The following GALNT13 variants were observed in gnomAD, a reference collection of about 807,000 sequenced individuals.
GALNT13 encodes the protein UDP-GalNAc:polypeptide N-acetylgalactosaminyltransferase 13.
A neutral mutation model predicts 64.2 loss-of-function variants in GALNT13; 28 were observed. The ratio of observed to expected loss-of-function variants is 0.44; its 90% CI spans 0.32 to 0.60. The LOEUF is 0.60. Ranked by LOEUF, GALNT13 falls within the 20% of genes least tolerant of loss-of-function variation. GALNT13 has a pLI of 0.05. For missense variants in GALNT13, 577 were observed against 669.8 expected (o/e 0.86, Z 1.53); for synonymous variants, 214 against 224.6 (o/e 0.95, Z 0.42).
chr2:153,335,809 C>G, the GALNT13 span, among the ~76,000 whole-genome samples: 4 of 152,162 alleles, frequency 2.6e-5, no homozygotes, highest in African/African-American at 4.8e-5. Flanking sequence ...CAGGGCATAT[C>G]AGAGAACTTC....
chr2:153,440,417 G>C, the GALNT13 span, among the ~76,000 whole-genome samples: 1,016 of 152,286 alleles, frequency 6.7e-3, 11 homozygotes, highest in African/African-American at 0.023. Flanking sequence ...ACATATGTGT[G>C]CATGTGTCTT....
chr2:154,446,435 C>G (rs983649141), intron 12 of GALNT13: 32 of 960,882 alleles, frequency 3.3e-5, no homozygotes, highest in Non-Finnish European at 4.4e-5. Flanking sequence ...GCTCACAGCT[C>G]CATGGATACA....
At chr2:153,997,898 G>A (rs571166156) in intron 3 of GALNT13, among the ~76,000 whole-genome samples, 10 of 152,170 alleles carry the variant, frequency 6.6e-5, no homozygotes, top group African/African-American at 1.7e-4. Context: ...GTGGTGTTTG[G>A]TTTTCTTTTC....
chr2:154,016,820 A>G (rs1245137732), intron 3 of GALNT13, among the ~76,000 whole-genome samples: 1 of 152,230 alleles, frequency 6.6e-6, no homozygotes, highest in Non-Finnish European at 1.5e-5. Context: ...TTAATGAAAT[A>G]TATCAATAAT....
At chr2:153,631,724 T>A in the GALNT13 span, among the ~76,000 whole-genome samples, 1 of 152,132 alleles carries the variant, frequency 6.6e-6, no homozygotes, top group African/African-American at 2.4e-5. Flanking sequence ...GTCAGATGAG[T>A]AGGTTGCAAA....
At chr2:154,032,265 AT>A (rs2105308400) in intron 3 of GALNT13, among the ~76,000 whole-genome samples, 1 of 152,258 alleles carries the variant, frequency 6.6e-6, no homozygotes, top group East Asian at 1.9e-4. Flanking sequence ...AATATAGGTT[AT>A]GTGAGTAGTC....
chr2:153,852,148 T>C, the GALNT13 span, among the ~76,000 whole-genome samples: 1 of 152,110 alleles, frequency 6.6e-6, no homozygotes, highest in South Asian at 2.1e-4. Flanking sequence ...ATTGGACAAA[T>C]AGTAAACAAA....
chr2:153,992,971 A>G (rs960204393), intron 3 of GALNT13, among the ~76,000 whole-genome samples: 3 of 152,166 alleles, frequency 2.0e-5, no homozygotes, highest in Non-Finnish European at 4.4e-5. Context: ...TCCTACAAAT[A>G]TTTACTTTAA....
At chr2:153,883,063 CAT>C (rs1250424822) in intron 1 of GALNT13, among the ~76,000 whole-genome samples, 5 of 140,564 alleles carry the variant, frequency 3.6e-5, no homozygotes, top group African/African-American at 1.1e-4. Flanking sequence ...TATATACACA[CAT>C]ATATATGTAT....
rs183370493 is a variant in GALNT13, at chr2:153,887,000, C to T, written c.-176-13936C>T. Among the ~76,000 whole-genome samples the T allele has an allele frequency of 3.6e-3, 550 of 151,980 alleles. 1 individual carries two copies. The highest frequency in any genetic ancestry group is 6.7e-3 in the Non-Finnish European group (453 of 67,938). Reference sequence around the variant, plus strand: ...TTATATCTAATTACTAGAAGTATGACAGAAGACAGTTACATAGCCTGCATG... The same window carrying T: ...TTATATCTAATTACTAGAAGTATGATAGAAGACAGTTACATAGCCTGCATG... On this transcript the variant is annotated intron_variant, in intron 1 of 12. Coordinates refer to ENST00000392825, the MANE Select transcript of GALNT13 (RefSeq NM_052917.4).
At chr2:153,727,269 A>G in the GALNT13 span, among the ~76,000 whole-genome samples, 1 of 152,024 alleles carries the variant, frequency 6.6e-6, no homozygotes, top group African/African-American at 2.4e-5. Context: ...TTTCTGGTCT[A>G]TTTTGCTTAA....
the GALNT13 span, among the ~76,000 whole-genome samples, chr2:153,117,275 A>C: frequency 2.6e-5 from 4 of 152,170 alleles, no homozygotes; most frequent in Non-Finnish European, 5.9e-5. Context: ...GAGAAAGCAA[A>C]CTTTCTTAAC....
At chr2:153,873,836 C>G (rs1038480584) in intron 1 of GALNT13, among the ~76,000 whole-genome samples, 5 of 151,912 alleles carry the variant, frequency 3.3e-5, no homozygotes, top group African/African-American at 9.7e-5. Context: ...TTCTCTCTCT[C>G]TCTTTTTCTG....
At chr2:153,974,255 C>A (rs893967521) in intron 3 of GALNT13, among the ~76,000 whole-genome samples, 2 of 152,088 alleles carry the variant, frequency 1.3e-5, no homozygotes, top group Admixed American at 1.3e-4. Flanking sequence ...TCTGGCTAGA[C>A]ATAGTCTTAG....
chr2:153,541,275 G>A, the GALNT13 span, among the ~76,000 whole-genome samples: 1 of 152,134 alleles, frequency 6.6e-6, no homozygotes, highest in Admixed American at 6.5e-5. Context: ...AAGGAAGGAT[G>A]TGTTTGCTTC....
intron 8 of GALNT13, among the ~76,000 whole-genome samples, chr2:154,286,363 T>C (rs575967394): frequency 1.3e-4 from 20 of 152,268 alleles, no homozygotes; most frequent in African/African-American, 3.8e-4. Flanking sequence ...TATACCTAGT[T>C]TTTTGAGAGT....
At chr2:153,225,151 A>G in the GALNT13 span, among the ~76,000 whole-genome samples, 1 of 152,210 alleles carries the variant, frequency 6.6e-6, no homozygotes, top group African/African-American at 2.4e-5. Flanking sequence ...ATTAATATTC[A>G]TTTCACAGAT....
At chr2:153,958,226 A>C (rs537515351) in intron 3 of GALNT13, among the ~76,000 whole-genome samples, 1 of 152,116 alleles carries the variant, frequency 6.6e-6, no homozygotes, top group East Asian at 1.9e-4. Context: ...CCCCTCCCCA[A>C]CCCACTGAGA....
chr2:153,535,309 G>A, the GALNT13 span, among the ~76,000 whole-genome samples: 1 of 152,324 alleles, frequency 6.6e-6, no homozygotes, highest in Admixed American at 6.5e-5. Flanking sequence ...TGATTAGAGA[G>A]TGCCTAAGGA....
Sources: allele counts gnomAD v4.1 joint callset (sites outside exome capture counted in the v4.1 genomes callset), GRCh38; gene constraint gnomAD v4.1.1; transcripts MANE v1.5; gene names NCBI Gene and HGNC (gene_info 2026-07-23, HGNC 2026-07-21).